Variants in CCDC102B observed in about 807,000 individuals in gnomAD.
CCDC102B encodes the protein coiled-coil domain-containing protein 102B.
In CCDC102B, 75 loss-of-function variants were observed where a neutral mutation model predicts 57.4. The observed-to-expected ratio is 1.31, with a 90% CI of 1.08 to 1.58. CCDC102B has a LOEUF of 1.58. Ranked by LOEUF, CCDC102B falls within the 40% of genes most tolerant of loss-of-function variation. CCDC102B has a pLI of 0.00. For missense variants in CCDC102B, 636 were observed against 582.6 expected, an observed-to-expected ratio of 1.09 and a Z score of -0.94; for synonymous variants, 206 against 201.9, an observed-to-expected ratio of 1.02 and a Z score of -0.17.
At chr18:68,810,680 G>T (rs200112390) in intron 1 of CCDC102B, among the ~76,000 whole-genome samples, 876 of 76,984 alleles carry the variant, frequency 0.011, 16 homozygotes, top group East Asian at 0.038. Flanking sequence ...TCTTTTCTTT[G>T]TTTTTTTTTT....
chr18:68,717,164 G>A (rs1463893562), intron 2 of CCDC102B, among the ~76,000 whole-genome samples: 1 of 152,090 alleles, frequency 6.6e-6, no homozygotes, highest in Non-Finnish European at 1.5e-5. Flanking sequence ...GGATAAGTTG[G>A]GCCAGGGAAG....
At chr18:69,004,090 C>T (rs1026454542) in intron 6 of CCDC102B, among the ~76,000 whole-genome samples, 7 of 152,166 alleles carry the variant, frequency 4.6e-5, no homozygotes, top group African/African-American at 1.7e-4. Context: ...TTTACTTTCT[C>T]AGTAAAGTTT....
intron 6 of CCDC102B, among the ~76,000 whole-genome samples, chr18:68,996,463 C>T (rs574705025): frequency 1.3e-5 from 2 of 152,284 alleles, no homozygotes; most frequent in East Asian, 3.9e-4. Context: ...GGGGACTTTA[C>T]CTTGTGATCA....
chr18:68,827,645 C>T (rs894511656), intron 1 of CCDC102B, among the ~76,000 whole-genome samples: 16 of 151,754 alleles, frequency 1.1e-4, no homozygotes, highest in Non-Finnish European at 5.9e-5. Context: ...AGTTCTAACA[C>T]ATCAATAATT....
At chr18:68,757,422 A>G (rs1218675802) in intron 2 of CCDC102B, among the ~76,000 whole-genome samples, 1 of 152,166 alleles carries the variant, frequency 6.6e-6, no homozygotes, top group African/African-American at 2.4e-5. Context: ...AATTGATCCC[A>G]AACTGCAGAG....
chr18:69,016,161 C>A (rs903555067), intron 7 of CCDC102B, among the ~76,000 whole-genome samples: 1 of 151,582 alleles, frequency 6.6e-6, no homozygotes, highest in Non-Finnish European at 1.5e-5. Flanking sequence ...CCGCGCCCGG[C>A]CAATTTAATT....
intron 6 of CCDC102B, among the ~76,000 whole-genome samples, chr18:68,967,656 G>C (rs972626012): frequency 3.3e-5 from 5 of 152,034 alleles, no homozygotes; most frequent in African/African-American, 4.8e-5. Flanking sequence ...ATGTTGAAAA[G>C]ATGTATGATT....
intron 1 of CCDC102B, among the ~76,000 whole-genome samples, chr18:68,825,034 T>C (rs1335391402): frequency 6.6e-6 from 1 of 152,322 alleles, no homozygotes; most frequent in Non-Finnish European, 1.5e-5. Context: ...TCTTTCTCTT[T>C]TATCTTTCTC....
chr18:68,822,941 A>C, intron 1 of CCDC102B, among the ~76,000 whole-genome samples: 1 of 152,166 alleles, frequency 6.6e-6, no homozygotes, highest in Non-Finnish European at 1.5e-5. Context: ...TCTATGCCTA[A>C]GTGACAAGAA....
At position 68,846,398 on chromosome 18, in the gene CCDC102B, T is replaced by G; in HGVS notation, c.913T>G (p.Ser305Ala). 1 of 1,583,666 alleles carries G rather than the reference T, an allele frequency of 6.3e-7. No individual in the cohort carries two copies. Among genetic ancestry groups the G allele is most frequent in the African/African-American group, 1.4e-5 (1 of 73,132 alleles). The change falls in exon 4 of 8, where the codon TCA (serine) becomes GCA (alanine). Residue 305 changes from serine (S) to alanine (A), a missense_variant. Physicochemically the swap from Ser to Ala is moderately conservative, Grantham distance 99. Coordinates refer to ENST00000360242, the MANE Select transcript of CCDC102B (RefSeq NM_024781.3). ...GTGGAAGTATGAAGAACTGAAAGAATCAAAGCCAAAAAATGTGAAAGAGGT... is the reference window on the plus strand; with the variant it reads ...GTGGAAGTATGAAGAACTGAAAGAAGCAAAGCCAAAAAATGTGAAAGAGGT... ...WKWKYEELKESKPKNVKEFDI... is the reference protein window; with the variant it reads ...WKWKYEELKEAKPKNVKEFDI...
At chr18:68,957,470 G>GT (rs2049930155) in intron 6 of CCDC102B, among the ~76,000 whole-genome samples, 1 of 150,778 alleles carries the variant, frequency 6.6e-6, no homozygotes. Context: ...CCATTGGTTT[G>GT]TGAGTCTCTT....
intron 7 of CCDC102B, among the ~76,000 whole-genome samples, chr18:69,032,220 C>A (rs2052165247): frequency 6.6e-6 from 1 of 152,090 alleles, no homozygotes; most frequent in Non-Finnish European, 1.5e-5. Flanking sequence ...AAGCAGACAT[C>A]TGTTGTGCAT....
chr18:68,962,189 T>C (rs1323273396), intron 6 of CCDC102B, among the ~76,000 whole-genome samples: 1 of 152,118 alleles, frequency 6.6e-6, no homozygotes, highest in East Asian at 1.9e-4. Flanking sequence ...TTTCCTTAGT[T>C]TTGTGATTTA....
rs78672497 is a variant in CCDC102B at position 68,736,909 on chromosome 18, C to T, written c.-67+20315C>T. Among the ~76,000 whole-genome samples, 1,095 of 152,026 alleles carry T rather than the reference C, an allele frequency of 7.2e-3. 15 individuals carry two copies. Among genetic ancestry groups the T allele is most frequent in the African/African-American group, 0.025 (1,037 of 41,458 alleles). ...CTTTTTTATACTAAATCTTTGAAATCTAGTGTGCAAACAATCGTATCTCAC... is the reference window on the plus strand; with the variant it reads ...CTTTTTTATACTAAATCTTTGAAATTTAGTGTGCAAACAATCGTATCTCAC... On this transcript the variant is annotated intron_variant, in intron 2 of 3. Coordinates refer to the CCDC102B transcript ENST00000578970.
At chr18:68,839,731 G>T (rs964375808) in intron 3 of CCDC102B, among the ~76,000 whole-genome samples, 6 of 152,106 alleles carry the variant, frequency 3.9e-5, no homozygotes, top group Admixed American at 3.9e-4. Context: ...CTGCACTGGG[G>T]CTATTTAAGG....
chr18:68,772,855 T>C (rs901515048), intron 2 of CCDC102B, among the ~76,000 whole-genome samples: 1 of 152,044 alleles, frequency 6.6e-6, no homozygotes, highest in African/African-American at 2.4e-5. Context: ...GAGTTCTCTA[T>C]AGTTTACCAG....
At chr18:69,029,281 C>T (rs973453973) in intron 7 of CCDC102B, among the ~76,000 whole-genome samples, 3 of 152,138 alleles carry the variant, frequency 2.0e-5, no homozygotes, top group Non-Finnish European at 2.9e-5. Context: ...TCAAATGTGT[C>T]AGAACTTGTC....
At chr18:68,794,514 G>C (rs73456166), upstream of CCDC102B, among the ~76,000 whole-genome samples, 3,731 of 152,096 alleles carry the variant, frequency 0.025, 141 homozygotes, top group African/African-American at 0.085. Context: ...AGGATACTGG[G>C]TAGGTAAATA....
intron 5 of CCDC102B, among the ~76,000 whole-genome samples, chr18:68,891,794 G>A (rs2040088457): frequency 6.6e-6 from 1 of 152,080 alleles, no homozygotes; most frequent in African/African-American, 2.4e-5. Flanking sequence ...TTGGATTAAG[G>A]CCCCACCCTA....
Sources: gnomAD v4.1 joint callset for allele counts (sites outside exome capture counted in the v4.1 genomes callset) on GRCh38, gnomAD v4.1.1 for gene constraint, MANE v1.5 for transcripts, NCBI Gene and HGNC (gene_info 2026-07-23, HGNC 2026-07-21) for gene names.